Variants in ZHX3 observed in about 807,000 individuals in gnomAD.
ZHX3 encodes the protein zinc fingers and homeoboxes 3.
Under a neutral mutation model 64.5 loss-of-function variants are expected in ZHX3, and 20 were observed. The observed-to-expected ratio is 0.31, with a 90% confidence interval of 0.22 to 0.45. The LOEUF (loss-of-function observed/expected upper bound fraction) is 0.45. Among genes scored for constraint, ZHX3 ranks in the 20% least tolerant of loss-of-function variants. The pLI, the probability that ZHX3 is intolerant of heterozygous loss-of-function variation, is 1.00. For missense variants in ZHX3, 1,041 were observed against 1,195.8 expected (o/e 0.87, Z 1.91); for synonymous variants, 423 against 461.6 (o/e 0.92, Z 1.07).
At position 41,210,447 on chromosome 20, in the gene ZHX3, C is replaced by A. The variant is rs562207389; in HGVS notation, c.-150-5381G>T. 2.2e-4 allele frequency among the ~76,000 whole-genome samples: 34 copies of A among 152,242 alleles called. 1 individual carries two copies. In the South Asian group the frequency reaches 6.4e-3, roughly 29 times the overall value. ...CAATAGCAAAGACTTGGAACCAACC[C>A]AAATGTCCATCAATGATAGACTGGA... On this transcript the variant is annotated intron_variant, in intron 2 of 3. Coordinates refer to ENST00000683867, the MANE Select transcript of ZHX3 (RefSeq NM_001384317.1).
At chr20:41,250,868 C>T (rs926052108) in intron 2 of ZHX3, among the ~76,000 whole-genome samples, 1 of 152,058 alleles carries the variant, frequency 6.6e-6, no homozygotes, top group African/African-American at 2.4e-5. Context: ...GAGGCCTGGC[C>T]GGGCACACTG....
At chr20:41,298,989 A>C (rs2044676470) in intron 1 of ZHX3, among the ~76,000 whole-genome samples, 1 of 152,188 alleles carries the variant, frequency 6.6e-6, no homozygotes, top group Non-Finnish European at 1.5e-5. Context: ...ATGAGTTGGC[A>C]TCTCACCAGT....
chr20:41,218,078 C>G (rs981828546), intron 2 of ZHX3, among the ~76,000 whole-genome samples: 3 of 151,676 alleles, frequency 2.0e-5, no homozygotes, highest in African/African-American at 7.3e-5. Context: ...GAGTTTGAGG[C>G]TGAAGTGAGA....
At chr20:41,267,373 A>T (rs1018195818) in intron 2 of ZHX3, 5 of 152,234 alleles carry the variant, frequency 3.3e-5, no homozygotes, top group Non-Finnish European at 7.3e-5. Flanking sequence ...TTTCCCTGTT[A>T]ATCATTTTCA....
At chr20:41,274,830 A>T (rs1568931595) in intron 1 of ZHX3, among the ~76,000 whole-genome samples, 1 of 152,156 alleles carries the variant, frequency 6.6e-6, no homozygotes, top group Admixed American at 6.5e-5. Context: ...CTCATAGTCC[A>T]AGGTGATCCA....
intron 3 of ZHX3, among the ~76,000 whole-genome samples, chr20:41,192,782 G>A (rs2037146424): frequency 6.6e-6 from 1 of 152,224 alleles, no homozygotes; most frequent in Non-Finnish European, 1.5e-5. Flanking sequence ...TTCTCAGGAA[G>A]TGTGGGGGAC....
chr20:41,213,568 G>A (rs2039314182), intron 2 of ZHX3, among the ~76,000 whole-genome samples: 1 of 152,178 alleles, frequency 6.6e-6, no homozygotes, highest in Non-Finnish European at 1.5e-5. Context: ...AGGAAAAAGA[G>A]CATGAGCACA....
At position 41,184,567 on chromosome 20, in the gene ZHX3, G is replaced by A; in HGVS notation, c.*624C>T. ...TGCACTGAGTAGCCCACAAGGCAAAGCAAGCCTGACATGAAACGTAGCCGG... is the reference window on the plus strand; with the variant it reads ...TGCACTGAGTAGCCCACAAGGCAAAACAAGCCTGACATGAAACGTAGCCGG... On this transcript the variant is annotated 3_prime_UTR_variant, in exon 4 of 4. Transcript: ENST00000683867. 1 of 286,354 alleles carries A rather than the reference G, an allele frequency of 3.5e-6. No homozygotes were observed. The highest frequency in any genetic ancestry group is 6.6e-6 in the Non-Finnish European group (1 of 151,504). 17.7% of individuals were successfully genotyped at this position (286,354 alleles called of 1,614,324 possible). A position where few individuals can be genotyped will look rare whatever the true frequency, so the allele number is the denominator to read the frequency against.
chr20:41,224,464 T>C lies in ZHX3; in HGVS notation c.-150-19398A>G, dbSNP rs561728278. 6.6e-6 allele frequency among the ~76,000 whole-genome samples: 1 copy of C among 152,322 alleles called. No individual in the cohort carries two copies. The highest frequency in any genetic ancestry group is 2.1e-4 in the South Asian group (1 of 4,824). Reference sequence around the variant, plus strand: ...ATTTGTCTGCATTTCTCACAAAATGTGGCAATTAGAACTGAACAAAGCATT... The same window carrying C: ...ATTTGTCTGCATTTCTCACAAAATGCGGCAATTAGAACTGAACAAAGCATT... On this transcript the variant is annotated intron_variant, in intron 2 of 3. Coordinates refer to ENST00000683867, the MANE Select transcript of ZHX3 (RefSeq NM_001384317.1). The surrounding 1 kb of genome is among the most constrained non-coding windows in gnomAD (Gnocchi z 5.2).
At chr20:41,215,970 A>G (rs895384565) in intron 2 of ZHX3, among the ~76,000 whole-genome samples, 8 of 151,684 alleles carry the variant, frequency 5.3e-5, no homozygotes, top group Non-Finnish European at 7.4e-5. Flanking sequence ...AAAAGGAAAT[A>G]ATGGTAGAAG....
chr20:41,278,893 C>T (rs1185446888), intron 1 of ZHX3, among the ~76,000 whole-genome samples: 1 of 150,762 alleles, frequency 6.6e-6, no homozygotes, highest in African/African-American at 2.4e-5. Flanking sequence ...CTGCCTCAGC[C>T]TCCTGAGTAG....
At chr20:41,269,247 A>G (rs945788903) in intron 1 of ZHX3, among the ~76,000 whole-genome samples, 164 bp from the exon 2 acceptor site, 1 of 152,246 alleles carries the variant, frequency 6.6e-6, no homozygotes, top group Non-Finnish European at 1.5e-5. Context: ...AATACAAACT[A>G]GCAATTTGAA....
Position 41,201,745 on chromosome 20 carries a change from G to GCTCT in ZHX3, c.2860+311_2860+312insAGAG, listed in dbSNP as rs2038235916. On this transcript the variant is annotated intron_variant, in intron 3 of 3. Coordinates refer to ENST00000683867, the MANE Select transcript of ZHX3 (RefSeq NM_001384317.1). The surrounding 1 kb of genome is among the most constrained non-coding windows in gnomAD (Gnocchi z 5.0). ...GGCTGTGGATCTGCCCGACTCAGAG[G>GCTCT]ATGTTTTGACCTGTTCTCCTATTGC... Among the ~76,000 whole-genome samples the GCTCT allele has an allele frequency of 6.6e-6, 1 of 152,186 alleles. No individual in the cohort carries two copies. Among genetic ancestry groups the GCTCT allele is most frequent in the Non-Finnish European group, 1.5e-5 (1 of 68,040 alleles).
At position 41,203,705 on chromosome 20, in the gene ZHX3, A is replaced by T. The variant is rs377383798; in HGVS notation, c.1212T>A (p.His404Gln). 2 of 1,614,092 alleles carry T rather than the reference A, an allele frequency of 1.2e-6. No homozygotes were observed. The highest frequency in any genetic ancestry group is 2.7e-5 in the African/African-American group (2 of 74,936). Residue 404 changes from histidine to glutamine, a missense_variant, in exon 3 of 4, where the codon CAT becomes CAA. Transcript: ENST00000683867. This position sits in a 1 kb window ranked among gnomAD's most constrained non-coding sequence, Gnocchi z 7.1. ...GACCTGGAAGAGCGGCCTGGATGAG[A>T]TGCTGGACATTGCCAGCACTGGCGA... ...PLVASAGNVQ[H>Q]LIQAALPGHV... is the part of the protein sequence containing the mutation.
Position 41,203,170 on chromosome 20 carries a change from G to A in ZHX3, c.1747C>T (p.Pro583Ser). ...EVSFSPSSKV[P>S]EVTCIPTTAT... ...GTTGTCGGAATGCAGGTTACCTCAG[G>A]GACCTTGGACGATGGGGAGAAGGAC... Residue 583 changes from proline (P) to serine (S), a missense_variant, in exon 3 of 4, where the codon CCT becomes TCT. Pro to Ser is a moderately conservative substitution (Grantham distance 74). Transcript: ENST00000683867. The surrounding 1 kb of genome is among the most constrained non-coding windows in gnomAD (Gnocchi z 7.1). The A allele has an allele frequency of 3.1e-6, 5 of 1,614,066 alleles. No homozygotes were observed. The highest frequency in any genetic ancestry group is 3.4e-6 in the Non-Finnish European group (4 of 1,180,018).
At chr20:41,246,954 G>T (rs1160625076) in intron 2 of ZHX3, among the ~76,000 whole-genome samples, 1 of 151,890 alleles carries the variant, frequency 6.6e-6, no homozygotes, top group Non-Finnish European at 1.5e-5. Context: ...TTATAGACAT[G>T]AACTCTTATA....
chr20:41,196,787 GAAAA>G, intron 3 of ZHX3: 3 of 123,430 alleles, frequency 2.4e-5, no homozygotes, highest in African/African-American at 3.1e-5. Context: ...CAGCCACCAA[GAAAA>G]AAAAAAAAAA....
chr20:41,264,385 C>CAAAAAAA (rs1165922837), intron 2 of ZHX3, among the ~76,000 whole-genome samples: 4 of 74,466 alleles, frequency 5.4e-5, no homozygotes, highest in African/African-American at 1.0e-4. Flanking sequence ...ACCAAAAATA[C>CAAAAAAA]AAAAAAAAAA....
intron 3 of ZHX3, among the ~76,000 whole-genome samples, chr20:41,186,610 C>T (rs1279501123): frequency 3.3e-5 from 5 of 152,228 alleles, no homozygotes; most frequent in African/African-American, 1.2e-4. Flanking sequence ...TTCCCACCAG[C>T]AATGCACAAG....
Sources: gnomAD v4.1 joint callset for allele counts (sites outside exome capture counted in the v4.1 genomes callset) on GRCh38, gnomAD v4.1.1 for gene constraint, Gnocchi (gnomAD v3.1) non-coding constraint, MANE v1.5 for transcripts, NCBI Gene and HGNC (gene_info 2026-07-23, HGNC 2026-07-21) for gene names.